The following DYSF variants were observed in gnomAD, a reference collection of about 807,000 sequenced individuals.
The protein encoded by DYSF is dysferlin.
In DYSF, 212 loss-of-function variants were observed where a neutral mutation model predicts 274.9. The observed-to-expected ratio is 0.77, with a 90% CI of 0.69 to 0.86. The LOEUF (loss-of-function observed/expected upper bound fraction) is 0.86, where lower values mean the gene tolerates loss of function less well. DYSF is among the 40% of genes least tolerant of loss of function. The pLI is 0.00. For missense variants in DYSF, 2,666 were observed against 2,783.2 expected (o/e 0.96, Z 0.95); for synonymous variants, 1,091 against 1,078.7 (o/e 1.01, Z -0.22).
intron 41 of DYSF, among the ~76,000 whole-genome samples, chr2:71,623,584 G>A (rs2094149696): frequency 6.6e-6 from 1 of 152,064 alleles, no homozygotes; most frequent in African/African-American, 2.4e-5. Context: ...TGTGTGTCAT[G>A]TCATCCTTTT....
intron 3 of DYSF, among the ~76,000 whole-genome samples, chr2:71,494,722 C>G (rs555484012): frequency 1.3e-5 from 2 of 152,242 alleles, no homozygotes; most frequent in Non-Finnish European, 2.9e-5. Flanking sequence ...GGGCCATTCT[C>G]TCAGAGTTGA....
chr2:71,466,088 G>C (rs1210792053), upstream of DYSF, among the ~76,000 whole-genome samples: 1 of 152,172 alleles, frequency 6.6e-6, no homozygotes, highest in African/African-American at 2.4e-5. Flanking sequence ...TCGAACCTCG[G>C]AGTCTCTCCC....
At chr2:71,655,122 A>G (rs2094744058) in intron 42 of DYSF, among the ~76,000 whole-genome samples, 1 of 152,116 alleles carries the variant, frequency 6.6e-6, no homozygotes, top group African/African-American at 2.4e-5. Context: ...AAAACAAGTT[A>G]CAAGTTTGTA....
At chr2:71,628,888 G>A (rs778860437) in intron 41 of DYSF, among the ~76,000 whole-genome samples, 7 of 151,950 alleles carry the variant, frequency 4.6e-5, no homozygotes, top group Non-Finnish European at 7.4e-5. Context: ...GGAGGTTAAG[G>A]GTGCAGTGAG....
chr2:71,618,020 GTGTGTGTGTGGTAGAGATGGTGT>G (rs2093949583), intron 40 of DYSF, among the ~76,000 whole-genome samples: 1 of 117,908 alleles, frequency 8.5e-6, no homozygotes, highest in African/African-American at 3.1e-5. Flanking sequence ...GAGATGGGGT[GTGTGTGTGTGGTAGAGATGGTGT>G]GTGTGTGTGT....
chr2:71,527,035 T>G (rs1435842549), intron 13 of DYSF, among the ~76,000 whole-genome samples: 1 of 152,228 alleles, frequency 6.6e-6, no homozygotes, highest in East Asian at 1.9e-4. Context: ...GCTGGGGAGT[T>G]ATACCGAATA....
At chr2:71,607,696 G>A (rs2093671448) in intron 36 of DYSF, among the ~76,000 whole-genome samples, 1 of 152,168 alleles carries the variant, frequency 6.6e-6, no homozygotes, top group African/African-American at 2.4e-5. Context: ...CCAGTGTTTG[G>A]TGATCAGTCA....
At position 71,511,919 on chromosome 2, in the gene DYSF, C is replaced by T. The variant is rs764206720; in HGVS notation, c.458C>T (p.Ala153Val). 3.9e-6 allele frequency: 6 copies of T among 1,544,806 alleles called. No individual in the cohort carries two copies. The highest frequency in any genetic ancestry group is 5.3e-6 in the Non-Finnish European group (6 of 1,141,408). Residue 153 changes from alanine (A) to valine (V), a missense_variant and splice_region_variant, in exon 5 of 56, where the codon GCA becomes GTA. By Grantham distance (64) the Ala-to-Val change is moderately conservative. Coordinates refer to ENST00000410020, the MANE Select transcript of DYSF (RefSeq NM_001130987.2). ...SPTLPDLDVV[A>V]GGGQSRAETW... ...ACTCTGCCTGACCTGGATGTAGTGG[C>T]AGGTGGGTAGCCCACGTTGGCCTGG...
At chr2:71,637,196 C>G (rs555376067) in intron 41 of DYSF, among the ~76,000 whole-genome samples, 4 of 152,180 alleles carry the variant, frequency 2.6e-5, no homozygotes, top group African/African-American at 9.6e-5. Context: ...TGTGTGAAGG[C>G]TAACTGGAAT....
intron 41 of DYSF, among the ~76,000 whole-genome samples, chr2:71,639,750 G>C (rs2094458811): frequency 6.6e-6 from 1 of 152,180 alleles, no homozygotes; most frequent in Non-Finnish European, 1.5e-5. Context: ...TCTGGAATAA[G>C]ATTGCTGTGT....
chr2:71,588,027 G>A (rs2093130074), intron 30 of DYSF, among the ~76,000 whole-genome samples: 2 of 152,228 alleles, frequency 1.3e-5, no homozygotes, highest in African/African-American at 4.8e-5. Flanking sequence ...TTGCTTAGGT[G>A]TCCTAAGATG....
rs541459587 is a variant in DYSF, at chr2:71,574,644, G to A, written c.3402+273G>A. On this transcript the variant is annotated intron_variant, in intron 30 of 55. Coordinates refer to ENST00000410020, the MANE Select transcript of DYSF (RefSeq NM_001130987.2). ...TCAAGATGAAAGCAGAGGGGAAGATGGCCTTGGCCGTCTGGCTGGCCTGTG... is the reference window on the plus strand; with the variant it reads ...TCAAGATGAAAGCAGAGGGGAAGATAGCCTTGGCCGTCTGGCTGGCCTGTG... Among the ~76,000 whole-genome samples, 11 of 152,376 alleles carry A rather than the reference G, an allele frequency of 7.2e-5. No homozygotes were observed. The East Asian group carries it at 2.1e-3, about 29-fold the overall frequency.
At chr2:71,492,432 CA>C (rs556953929) in intron 3 of DYSF, among the ~76,000 whole-genome samples, 6 of 152,176 alleles carry the variant, frequency 3.9e-5, no homozygotes, top group Non-Finnish European at 8.8e-5. Context: ...TGACGCTAAC[CA>C]GGGGGAGATA....
In DYSF at chr2:71,682,594, C is replaced by T. The variant is rs200990851; in HGVS notation, c.6238C>T (p.Arg2080Trp). ...CAAGACCATGAAGTTCATCCTGTGG[C>T]GGCGTTTCCGGTGGGCCATCATCCT... Reference protein sequence around the residue: ...PYKTMKFILWRRFRWAIILFI... With the variant: ...PYKTMKFILWWRFRWAIILFI... Residue 2080 changes from arginine to tryptophan, a missense_variant, in exon 55 of 56, where the codon CGG becomes TGG. By Grantham distance (101) the Arg-to-Trp change is moderately radical. Around this residue, in one of 3 missense-constraint regions of DYSF, gnomAD observed 1,460 missense variants for 1,502.1 expected, o/e 0.97. Coordinates refer to ENST00000410020, the MANE Select transcript of DYSF (RefSeq NM_001130987.2). 3.5e-5 allele frequency: 56 copies of T among 1,614,016 alleles called. No homozygotes were observed. Among genetic ancestry groups the T allele is most frequent in the East Asian group, 4.5e-5 (2 of 44,892 alleles).
intron 1 of DYSF, among the ~76,000 whole-genome samples, chr2:71,459,621 T>C (rs2081204095): frequency 6.6e-6 from 1 of 152,196 alleles, no homozygotes; most frequent in Non-Finnish European, 1.5e-5. Context: ...AAAAGTCTTC[T>C]AATATTTAAG....
Position 71,667,661 on chromosome 2 carries a change from G to C in DYSF, c.5457+146G>C, listed in dbSNP as rs766385733. On this transcript the variant is annotated intron_variant, in intron 48 of 55. Coordinates refer to ENST00000410020, the MANE Select transcript of DYSF (RefSeq NM_001130987.2). ...ACCCATTTCTTCACAGTCTGAGTGC[G>C]GCCATGGTTGGCCTGGGAGGGGATC... The C allele has an allele frequency of 4.7e-6, 6 of 1,284,144 alleles. No homozygotes were observed. The Admixed American group carries it at 1.3e-4, about 28-fold the overall frequency. 79.5% of individuals were successfully genotyped at this position (1,284,144 alleles called of 1,614,324 possible).
chr2:71,552,938 G>T (rs942155712), intron 19 of DYSF, 73 bp from the exon 20 acceptor site: 1 of 1,535,210 alleles, frequency 6.5e-7, no homozygotes, highest in African/African-American at 1.4e-5. Flanking sequence ...CCTGCCAGAC[G>T]TATGTCCCCT....
chr2:71,526,142 G>C, intron 12 of DYSF, 78 bp from the exon 13 acceptor site: 1 of 1,612,882 alleles, frequency 6.2e-7, no homozygotes, highest in Admixed American at 1.7e-5. Flanking sequence ...ATGTGGCGAA[G>C]CTGGAACTCT....
chr2:71,564,505 G>A (rs1300083907), intron 24 of DYSF, among the ~76,000 whole-genome samples: 1 of 152,158 alleles, frequency 6.6e-6, no homozygotes, highest in Non-Finnish European at 1.5e-5. Context: ...CTGACCCCTG[G>A]GGCTGTGTTT....
Sources: allele counts gnomAD v4.1 joint callset (sites outside exome capture counted in the v4.1 genomes callset), GRCh38; gene constraint gnomAD v4.1.1; regional missense constraint gnomAD v4.1.1; transcripts MANE v1.5; gene names NCBI Gene and HGNC (gene_info 2026-07-23, HGNC 2026-07-21).